TTC28: variants seen among roughly 807,000 people sequenced by gnomAD.
TTC28 encodes the protein tetratricopeptide repeat protein 28.
A neutral mutation model predicts 198.0 loss-of-function variants in TTC28; 61 were observed. The observed-to-expected ratio is 0.31, with a 90% CI of 0.25 to 0.38. TTC28 has a LOEUF of 0.38. Among genes scored for constraint, TTC28 ranks in the 10% least tolerant of loss-of-function variants. TTC28 has a pLI of 1.00. For missense variants in TTC28, 2,678 were observed against 3,164.0 expected (o/e 0.85, Z 3.69); for synonymous variants, 1,171 against 1,297.8 (o/e 0.90, Z 2.10).
At chr22:28,349,274 C>T (rs549917053) in intron 2 of TTC28, among the ~76,000 whole-genome samples, 1 of 152,158 alleles carries the variant, frequency 6.6e-6, no homozygotes, top group East Asian at 1.9e-4. Context: ...TGAAATGATT[C>T]AAAACCCCTG....
At chr22:28,375,214 TTAATA>T (rs1321298050) in intron 2 of TTC28, among the ~76,000 whole-genome samples, 2 of 152,176 alleles carry the variant, frequency 1.3e-5, no homozygotes, top group African/African-American at 4.8e-5. Context: ...GAAATGAACT[TTAATA>T]TAAGTAAAGT....
intron 7 of TTC28, among the ~76,000 whole-genome samples, 196 bp downstream of exon 7, chr22:28,106,866 C>T (rs1432102940): frequency 2.0e-5 from 3 of 152,152 alleles, no homozygotes; most frequent in Non-Finnish European, 4.4e-5. Context: ...TTTCTCTGGG[C>T]TTTAGTTTCT....
chr22:28,088,897 A>C (rs1008248209), intron 12 of TTC28, among the ~76,000 whole-genome samples: 4 of 152,272 alleles, frequency 2.6e-5, no homozygotes, highest in Non-Finnish European at 4.4e-5. Context: ...TATGCAGCCA[A>C]AACACACGTG....
Position 28,629,538 on chromosome 22 carries a change from G to A in TTC28, c.381+14C>T. 2 of 1,535,522 alleles carry A rather than the reference G, an allele frequency of 1.3e-6. No homozygotes were observed. The highest frequency in any genetic ancestry group is 1.8e-6 in the Non-Finnish European group (2 of 1,139,764). On this transcript the variant is annotated intron_variant, in intron 2 of 22. Transcript: ENST00000397906. ...ATTCTATGAAAATAAATCTTCATAGGTAAAAATTTCTACCTTTGGCCACTT... is the reference window on the plus strand; with the variant it reads ...ATTCTATGAAAATAAATCTTCATAGATAAAAATTTCTACCTTTGGCCACTT...
chr22:27,990,405 C>T (rs1234482627), intron 20 of TTC28, among the ~76,000 whole-genome samples: 1 of 152,206 alleles, frequency 6.6e-6, no homozygotes, highest in Non-Finnish European at 1.5e-5. Flanking sequence ...CCGGTTACAT[C>T]TTAGAGCCTC....
chr22:28,333,861 T>C (rs2045656670), intron 2 of TTC28, among the ~76,000 whole-genome samples: 1 of 152,112 alleles, frequency 6.6e-6, no homozygotes, highest in Non-Finnish European at 1.5e-5. Context: ...TTTTTTATTT[T>C]TTATTATACT....
At chr22:28,527,306 C>T (rs952536673) in intron 2 of TTC28, among the ~76,000 whole-genome samples, 8 of 152,210 alleles carry the variant, frequency 5.3e-5, no homozygotes, top group African/African-American at 1.9e-4. Context: ...CTCCTTCAAA[C>T]TTCCTGATGC....
chr22:28,418,871 G>C lies in TTC28; in HGVS notation c.382-112228C>G, dbSNP rs1371612699. Among the ~76,000 whole-genome samples the C allele has an allele frequency of 2.0e-5, 3 of 152,152 alleles. No homozygotes were observed. In the East Asian group the frequency reaches 5.8e-4, roughly 29 times the overall value. On this transcript the variant is annotated intron_variant, in intron 2 of 22. Coordinates refer to ENST00000397906, the MANE Select transcript of TTC28 (RefSeq NM_001145418.2). ...GAATTTGGAAGTGGGAAAATCAGAAGAAGAAAGGTATTTTTGTGTAAACAA... is the reference window on the plus strand; with the variant it reads ...GAATTTGGAAGTGGGAAAATCAGAACAAGAAAGGTATTTTTGTGTAAACAA...
At chr22:28,462,101 A>G (rs185472298) in intron 2 of TTC28, among the ~76,000 whole-genome samples, 201 of 152,356 alleles carry the variant, frequency 1.3e-3, no homozygotes, top group Admixed American at 4.9e-3. Context: ...ATATTTTAAC[A>G]ATAATAGCTA....
intron 5 of TTC28, among the ~76,000 whole-genome samples, chr22:28,294,219 G>A (rs1307077537): frequency 6.6e-6 from 1 of 152,116 alleles, no homozygotes; most frequent in Non-Finnish European, 1.5e-5. Context: ...ATGGTAGGTG[G>A]CAAACCTAAG....
At chr22:28,162,837 C>CTA (rs1921373180) in intron 6 of TTC28, among the ~76,000 whole-genome samples, 1 of 152,138 alleles carries the variant, frequency 6.6e-6, no homozygotes, top group Non-Finnish European at 1.5e-5. Context: ...GTCGTCCCAG[C>CTA]TACTCGGGAG....
intron 6 of TTC28, among the ~76,000 whole-genome samples, chr22:28,153,277 T>G (rs1943652034): frequency 6.6e-6 from 1 of 151,720 alleles, no homozygotes; most frequent in Non-Finnish European, 1.5e-5. Context: ...GCTACCAAAC[T>G]TTTACTCCAA....
At chr22:28,138,665 A>T (rs1398902926) in intron 6 of TTC28, among the ~76,000 whole-genome samples, 2 of 152,200 alleles carry the variant, frequency 1.3e-5, no homozygotes, top group African/African-American at 4.8e-5. Flanking sequence ...CCTGAGGCTT[A>T]TCAAGGCCAA....
chr22:28,306,832 AT>A (rs1324930234), intron 2 of TTC28, among the ~76,000 whole-genome samples, 189 bp from the exon 3 acceptor site: 1 of 152,220 alleles, frequency 6.6e-6, no homozygotes, highest in East Asian at 1.9e-4. Flanking sequence ...GGCAACTTCT[AT>A]TTAAAATTTT....
At chr22:28,397,278 C>T (rs975746192) in intron 2 of TTC28, among the ~76,000 whole-genome samples, 1 of 152,148 alleles carries the variant, frequency 6.6e-6, no homozygotes, top group East Asian at 1.9e-4. Flanking sequence ...CCTTTGTATC[C>T]TTTAAAGCTC....
intron 1 of TTC28, among the ~76,000 whole-genome samples, chr22:28,673,277 G>A (rs1569093433): frequency 1.3e-5 from 2 of 152,166 alleles, no homozygotes; most frequent in South Asian, 2.1e-4. Context: ...GGGAAACTGA[G>A]GCAGGAGAAT....
At chr22:28,372,152 A>G (rs1353250630) in intron 2 of TTC28, among the ~76,000 whole-genome samples, 1 of 152,144 alleles carries the variant, frequency 6.6e-6, no homozygotes, top group Non-Finnish European at 1.5e-5. Flanking sequence ...ACAATGACAG[A>G]TGATAGATTT....
intron 12 of TTC28, among the ~76,000 whole-genome samples, chr22:28,083,576 C>G (rs1956069814): frequency 6.6e-6 from 1 of 152,258 alleles, no homozygotes; most frequent in South Asian, 2.1e-4. Flanking sequence ...CTACAGCTCC[C>G]AGCGTGAGCG....
intron 2 of TTC28, among the ~76,000 whole-genome samples, chr22:28,566,010 A>G (rs940529455): frequency 6.6e-6 from 1 of 152,202 alleles, no homozygotes; most frequent in African/African-American, 2.4e-5. Context: ...CACTGCATCT[A>G]GACCATCATG....
Sources: allele counts gnomAD v4.1 joint callset (sites outside exome capture counted in the v4.1 genomes callset), GRCh38; gene constraint gnomAD v4.1.1; transcripts MANE v1.5; gene names NCBI Gene and HGNC (gene_info 2026-07-23, HGNC 2026-07-21).